The following OSBPL3 variants were observed in gnomAD, a reference collection of about 807,000 sequenced individuals.
The protein encoded by OSBPL3 is oxysterol-binding protein-related protein 3.
A neutral mutation model predicts 120.1 loss-of-function variants in OSBPL3; 65 were observed. The observed-to-expected ratio is 0.54, with a 90% confidence interval of 0.44 to 0.67. The LOEUF (loss-of-function observed/expected upper bound fraction) is 0.67, where lower values mean the gene tolerates loss of function less well. OSBPL3 is among the 30% of genes least tolerant of loss of function. The pLI is 0.00. For missense variants in OSBPL3, 1,004 were observed against 1,082.1 expected, an observed-to-expected ratio of 0.93 and a Z score of 1.01; for synonymous variants, 416 against 402.6, an observed-to-expected ratio of 1.03 and a Z score of -0.40.
In OSBPL3 at chr7:24,912,778, C is replaced by T. The variant is rs901953615; in HGVS notation, c.-149-20157G>A. Among the ~76,000 whole-genome samples the T allele has an allele frequency of 2.6e-5, 4 of 152,214 alleles. No homozygotes were observed. The highest frequency in any genetic ancestry group is 2.1e-4 in the South Asian group (1 of 4,830). ...CCACATGCTCCTCTAACAAAGTGAC[C>T]GTGACACTTCTTCATCAATAGATGG... On this transcript the variant is annotated intron_variant, in intron 1 of 22. Transcript: ENST00000313367. This position sits in a 1 kb window ranked among gnomAD's most constrained non-coding sequence, Gnocchi z 4.5.
chr7:24,859,922 C>A (rs1410752296), intron 10 of OSBPL3, among the ~76,000 whole-genome samples: 1 of 151,930 alleles, frequency 6.6e-6, no homozygotes, highest in East Asian at 1.9e-4. Flanking sequence ...ATTTTTTTAA[C>A]CTTTTATTTT....
chr7:24,887,864 GGAAA>G (rs1804762223), intron 2 of OSBPL3, among the ~76,000 whole-genome samples: 3 of 152,098 alleles, frequency 2.0e-5, no homozygotes, highest in Non-Finnish European at 4.4e-5. Flanking sequence ...GGGCGAGAGG[GGAAA>G]ATCATTTACC....
At position 24,806,146 on chromosome 7, in the gene OSBPL3, G is replaced by A. The variant is rs544405062; in HGVS notation, c.2444+630C>T. The stretch of plus-strand genomic sequence containing the variant: ...TAATTTTTGTATTTTTAGTACAGAC[G>A]GGGTTTCGCCATATTGGCCAGGCTG... On this transcript the variant is annotated intron_variant, in intron 21 of 22. Transcript: ENST00000313367. This position sits in a 1 kb window ranked among gnomAD's most constrained non-coding sequence, Gnocchi z 5.2. Among the ~76,000 whole-genome samples, 5 of 152,232 alleles carry A rather than the reference G, an allele frequency of 3.3e-5. No individual in the cohort carries two copies. The highest frequency in any genetic ancestry group is 1.3e-4 in the Admixed American group (2 of 15,296).
At chr7:24,858,328 A>G (rs1195324213) in intron 10 of OSBPL3, among the ~76,000 whole-genome samples, 1 of 152,256 alleles carries the variant, frequency 6.6e-6, no homozygotes, top group Admixed American at 6.5e-5. Context: ...GAGAAAGTAC[A>G]ATAGATACTG....
Position 24,933,630 on chromosome 7 carries a change from C to A in OSBPL3, c.-149-41009G>T, listed in dbSNP as rs544905797. On this transcript the variant is annotated intron_variant, in intron 1 of 22. Coordinates refer to ENST00000313367, the MANE Select transcript of OSBPL3 (RefSeq NM_015550.4). The surrounding 1 kb of genome is among the most constrained non-coding windows in gnomAD (Gnocchi z 5.1). ...TTCCCAAGAAAAACTAGTAATTGAG[C>A]AAAACTCTAAGCTTGTGTAAAAAAG... Among the ~76,000 whole-genome samples the A allele has an allele frequency of 6.6e-6, 1 of 152,242 alleles. No individual in the cohort carries two copies. Among genetic ancestry groups the A allele is most frequent in the Non-Finnish European group, 1.5e-5 (1 of 68,014 alleles).
intron 1 of OSBPL3, among the ~76,000 whole-genome samples, chr7:24,974,006 T>C (rs964846531): frequency 6.6e-6 from 1 of 152,226 alleles, no homozygotes; most frequent in East Asian, 1.9e-4. Flanking sequence ...TATTACAATA[T>C]ATTCAAAATA....
intron 2 of OSBPL3, among the ~76,000 whole-genome samples, chr7:24,884,719 C>A (rs1358855998): frequency 6.6e-6 from 1 of 152,162 alleles, no homozygotes; most frequent in African/African-American, 2.4e-5. Context: ...AATAAGAAAA[C>A]AAGGCAGAGA....
rs1249702468 is a variant in OSBPL3, at chr7:24,872,071, TGTTCC to T, written c.97-7_97-3del. The T allele has an allele frequency of 1.6e-5, 25 of 1,587,230 alleles. No individual in the cohort carries two copies. Among genetic ancestry groups the T allele is most frequent in the Non-Finnish European group, 2.2e-5 (25 of 1,155,566 alleles). ...TCCTTCCACCACTTCCCAGCTGTCCTGTTCCAACAAAAGAGTTCATGTTAAATGTC... is the reference window on the plus strand; with the variant it reads ...TCCTTCCACCACTTCCCAGCTGTCCTAACAAAAGAGTTCATGTTAAATGTC... On this transcript the variant is annotated splice_region_variant and splice_polypyrimidine_tract_variant and intron_variant, in intron 2 of 22. Transcript: ENST00000313367. This position sits in a 1 kb window ranked among gnomAD's most constrained non-coding sequence, Gnocchi z 4.1.
In OSBPL3 at chr7:24,861,751, C is replaced by T; in HGVS notation, c.889G>A (p.Gly297Ser). The change falls in exon 10 of 23, where the codon GGC (glycine) becomes AGC (serine). Residue 297 changes from glycine (G) to serine (S), a missense_variant. This residue lies in a region of OSBPL3 where 272 missense variants were observed against 248.8 expected (regional missense o/e 1.09). Coordinates refer to ENST00000313367, the MANE Select transcript of OSBPL3 (RefSeq NM_015550.4). ...GTLQVPKPFS[G>S]PVRLHSSNPN... Reference sequence around the variant, plus strand: ...TTGGAGGAGTGTAGTCTTACTGGGCCAGAAAAAGGTTTCGGGACCTGAAGT... The same window carrying T: ...TTGGAGGAGTGTAGTCTTACTGGGCTAGAAAAAGGTTTCGGGACCTGAAGT... 6.3e-7 allele frequency: 1 copy of T among 1,593,008 alleles called. No individual in the cohort carries two copies. Among genetic ancestry groups the T allele is most frequent in the Non-Finnish European group, 8.5e-7 (1 of 1,172,048 alleles).
chr7:24,810,157 T>C (rs1793599799), intron 19 of OSBPL3: 1 of 540,158 alleles, frequency 1.9e-6, no homozygotes, highest in Non-Finnish European at 3.3e-6. Context: ...TTGAAACATG[T>C]ATACATTGTG....
chr7:24,823,210 T>C (rs1795319571), intron 16 of OSBPL3, among the ~76,000 whole-genome samples: 6 of 152,060 alleles, frequency 3.9e-5, no homozygotes, highest in Admixed American at 3.9e-4. Flanking sequence ...ACCTCATCTG[T>C]GAAATAAGGC....
At position 24,829,119 on chromosome 7, in the gene OSBPL3, T is replaced by C. The variant is rs529571849; in HGVS notation, c.1884+1649A>G. On this transcript the variant is annotated intron_variant, in intron 16 of 22. Coordinates refer to ENST00000313367, the MANE Select transcript of OSBPL3 (RefSeq NM_015550.4). ...AGCTCATGTTACTATTCTTTTCTTA[T>C]AGCTATTCATCCTGTCCTGATTGTC... Among the ~76,000 whole-genome samples the C allele has an allele frequency of 6.1e-4, 93 of 151,896 alleles. 1 individual carries two copies. Among genetic ancestry groups the C allele is most frequent in the African/African-American group, 1.8e-3 (74 of 41,174 alleles).
rs1024732576 is a variant in OSBPL3 at position 24,952,551 on chromosome 7, G to A, written c.-150+27335C>T. Among the ~76,000 whole-genome samples, 1 of 152,150 alleles carries A rather than the reference G, an allele frequency of 6.6e-6. No homozygotes were observed. Among genetic ancestry groups the A allele is most frequent in the Non-Finnish European group, 1.5e-5 (1 of 68,044 alleles). ...TTTTAGATGTTGCTCTATAAATATG[G>A]AAAGATGCTCATATGAGCCACCTTT... is the stretch of plus-strand genomic sequence containing the variant. On this transcript the variant is annotated intron_variant, in intron 1 of 22. Coordinates refer to ENST00000313367, the MANE Select transcript of OSBPL3 (RefSeq NM_015550.4). The surrounding 1 kb of genome is among the most constrained non-coding windows in gnomAD (Gnocchi z 4.4).
In OSBPL3 at chr7:24,805,037, C is replaced by T. The variant is rs924137040; in HGVS notation, c.2445-600G>A. ...TTGAATCATTTTAATGTGACAATGC[C>T]GCAATAAATGACCTTGTATATCCAT... On this transcript the variant is annotated intron_variant, in intron 21 of 22. Transcript: ENST00000313367. The surrounding 1 kb of genome is among the most constrained non-coding windows in gnomAD (Gnocchi z 4.0). Among the ~76,000 whole-genome samples the T allele has an allele frequency of 3.6e-4, 55 of 152,164 alleles. No homozygotes were observed. Among genetic ancestry groups the T allele is most frequent in the African/African-American group, 1.2e-3 (51 of 41,502 alleles).
rs1792111934 is a variant in OSBPL3, at chr7:24,800,096, C to A, written c.*87G>T. On this transcript the variant is annotated 3_prime_UTR_variant, in exon 23 of 23. Transcript: ENST00000313367. ...AGCACAAGTGATCATCCTAGAGTATCTTTTAAATATATAAACACAGGTTTG... is the reference window on the plus strand; with the variant it reads ...AGCACAAGTGATCATCCTAGAGTATATTTTAAATATATAAACACAGGTTTG... The A allele has an allele frequency of 5.5e-6, 4 of 730,038 alleles. No individual in the cohort carries two copies. The highest frequency in any genetic ancestry group is 7.4e-6 in the Non-Finnish European group (3 of 408,014). The allele number at this position is 730,038 out of a possible 1,614,324, so 45.2% of individuals were successfully genotyped here.
intron 12 of OSBPL3, among the ~76,000 whole-genome samples, chr7:24,847,356 A>C (rs569163947): frequency 3.1e-4 from 47 of 152,334 alleles, no homozygotes; most frequent in African/African-American, 1.1e-3. Flanking sequence ...TAAGGGAAAC[A>C]GAAAATTTCT....
chr7:24,950,705 G>C (rs537373047), intron 1 of OSBPL3, among the ~76,000 whole-genome samples: 4 of 152,318 alleles, frequency 2.6e-5, no homozygotes, highest in African/African-American at 9.6e-5. Context: ...CTGGGCAACA[G>C]AGTGAGACTC....
rs371810274 is a variant in OSBPL3, at chr7:24,865,357, C to G, written c.658G>C (p.Glu220Gln). 1 of 1,613,814 alleles carries G rather than the reference C, an allele frequency of 6.2e-7. No individual in the cohort carries two copies. Among genetic ancestry groups the G allele is most frequent in the Non-Finnish European group, 8.5e-7 (1 of 1,179,844 alleles). The change falls in exon 7 of 23, where the codon GAA (glutamate) becomes CAA (glutamine). Residue 220 changes from glutamate to glutamine, a missense_variant. By Grantham distance (29) the Glu-to-Gln change is conservative. Coordinates refer to ENST00000313367, the MANE Select transcript of OSBPL3 (RefSeq NM_015550.4). ...GTCACTCTACCTTTGGAGCATTTTT[C>G]CATGTCCTCTGAAGACTGTAACCAT... The part of the protein sequence containing the change: ...PLWLQSSEDM[E>Q]KCSKDLAHCH...
intron 14 of OSBPL3, among the ~76,000 whole-genome samples, chr7:24,839,989 CACAAAAAAAAAAAAAAAAAAA>C (rs1797514775): frequency 1.5e-5 from 1 of 65,312 alleles, no homozygotes; most frequent in Non-Finnish European, 3.0e-5. Context: ...GACTCCATCT[CACAAAAAAAAAAAAAAAAAAA>C]AAAAAAAAAA....
Sources: allele counts gnomAD v4.1 joint callset (sites outside exome capture counted in the v4.1 genomes callset), GRCh38; gene constraint gnomAD v4.1.1; regional missense constraint gnomAD v4.1.1; non-coding constraint Gnocchi (gnomAD v3.1); transcripts MANE v1.5; gene names NCBI Gene and HGNC (gene_info 2026-07-23, HGNC 2026-07-21).